The following CEP295 variants were observed in gnomAD, a reference collection of about 807,000 sequenced individuals.
CEP295 encodes the protein centrosomal protein of 295 kDa.
Under a neutral mutation model 291.6 loss-of-function variants are expected in CEP295, and 190 were observed. The observed-to-expected ratio is 0.65, with a 90% CI of 0.58 to 0.73. The LOEUF (loss-of-function observed/expected upper bound fraction) is 0.73. CEP295 is among the 30% of genes least tolerant of loss of function. CEP295 has a pLI of 0.00. For missense variants in CEP295, 2,863 were observed against 2,949.4 expected (o/e 0.97, Z 0.68); for synonymous variants, 993 against 1,038.8 (o/e 0.96, Z 0.85).
intron 5 of CEP295, 133 bp from the exon 6 acceptor site, chr11:93,675,438 A>G (rs988099824): frequency 3.1e-5 from 15 of 476,516 alleles, no homozygotes; most frequent in Non-Finnish European, 5.6e-5. Flanking sequence ...ATTTGATTTC[A>G]TTATGAGCAG....
chr11:93,723,902 T>A (rs1465947241), intron 21 of CEP295: 1 of 161,978 alleles, frequency 6.2e-6, no homozygotes, highest in Non-Finnish European at 1.3e-5. Context: ...GCAGGAGGAT[T>A]GCTTGAGCCC....
chr11:93,724,350 C>T lies in CEP295; in HGVS notation c.6293C>T (p.Ser2098Phe). The T allele has an allele frequency of 6.5e-7, 1 of 1,550,080 alleles. No individual in the cohort carries two copies. The highest frequency in any genetic ancestry group is 1.4e-5 in the African/African-American group (1 of 73,162). The change falls in exon 22 of 30, where the codon TCT becomes TTT. Residue 2098 changes from serine (S) to phenylalanine (F), a missense_variant. Around this residue, in one of 3 missense-constraint regions of CEP295, gnomAD observed 2,295 missense variants for 2,335.7 expected, o/e 0.98. Transcript: ENST00000325212. ...TTATCATCATCATCCTCTGGGATTTCTCCAGACAACAGAGACTTTTACCAG... is the reference window on the plus strand; with the variant it reads ...TTATCATCATCATCCTCTGGGATTTTTCCAGACAACAGAGACTTTTACCAG... ...FDLSSSSSGISPDNRDFYQRS... is the reference protein window; with the variant it reads ...FDLSSSSSGIFPDNRDFYQRS...
At chr11:93,696,594 G>C (rs778694662) in intron 14 of CEP295, 88 bp from the exon 15 acceptor site, 25 of 1,254,334 alleles carry the variant, frequency 2.0e-5, no homozygotes, top group Admixed American at 2.8e-5. Flanking sequence ...GCCAACCCTA[G>C]ATTGCTGTTT....
chr11:93,674,143 A>C (rs1460110202), intron 5 of CEP295, among the ~76,000 whole-genome samples: 11 of 151,726 alleles, frequency 7.2e-5, no homozygotes, highest in Admixed American at 7.2e-4. Context: ...TTGTATTTTT[A>C]GTAGAAATGG....
At chr11:93,667,190 A>C (rs563123206) in intron 2 of CEP295, among the ~76,000 whole-genome samples, 3 of 152,194 alleles carry the variant, frequency 2.0e-5, no homozygotes, top group Non-Finnish European at 4.4e-5. Context: ...AGTGTTTTTA[A>C]AGTAAGTTTT....
intron 18 of CEP295, among the ~76,000 whole-genome samples, chr11:93,716,697 GATACAGAGGC>G (rs1172714639): frequency 6.6e-6 from 1 of 152,242 alleles, no homozygotes; most frequent in East Asian, 1.9e-4. Flanking sequence ...TGAAAGCAGG[GATACAGAGGC>G]AGGACAAAGA....
rs112931996 is a variant in CEP295, at chr11:93,684,295, G to A, written c.1114+167G>A. Among the ~76,000 whole-genome samples the A allele has an allele frequency of 2.9e-3, 436 of 152,244 alleles. 4 individuals are homozygous for A. The highest frequency in any genetic ancestry group is 9.9e-3 in the African/African-American group (413 of 41,538). On this transcript the variant is annotated intron_variant, in intron 9 of 29. Transcript: ENST00000325212. ...ACGTTTTTATATTTCCATCATTGAC[G>A]ATCCTTTTTCATATGTGTAGGAGGA... is the stretch of plus-strand genomic sequence containing the variant.
chr11:93,699,357 T>C lies in CEP295; in HGVS notation c.4445T>C (p.Leu1482Ser). 1 of 1,552,038 alleles carries C rather than the reference T, an allele frequency of 6.4e-7. No individual in the cohort carries two copies. The highest frequency in any genetic ancestry group is 8.7e-7 in the Non-Finnish European group (1 of 1,147,070). ...SIEKTQKELV[L>S]SKPCKFEEKV... ...GAGAAAACCCAGAAAGAATTGGTTT[T>C]GTCAAAACCATGTAAATTTGAGGAA... The change falls in exon 15 of 30, where the codon TTG becomes TCG. Residue 1482 changes from leucine to serine, a missense_variant. Physicochemically the swap from Leu to Ser is moderately radical, Grantham distance 145. Around this residue, in one of 3 missense-constraint regions of CEP295, gnomAD observed 2,295 missense variants for 2,335.7 expected, o/e 0.98. Coordinates refer to ENST00000325212, the MANE Select transcript of CEP295 (RefSeq NM_033395.2).
chr11:93,674,897 G>T (rs887235185), intron 5 of CEP295, among the ~76,000 whole-genome samples: 1 of 152,164 alleles, frequency 6.6e-6, no homozygotes, highest in Non-Finnish European at 1.5e-5. Flanking sequence ...ACAGTGCCTT[G>T]TGTAATGTTT....
chr11:93,709,807 C>A (rs1330143781), intron 18 of CEP295, among the ~76,000 whole-genome samples: 1 of 151,926 alleles, frequency 6.6e-6, no homozygotes, highest in Admixed American at 6.6e-5. Flanking sequence ...TTTGTGTGTC[C>A]TCTTTAATTT....
chr11:93,721,817 T>C, intron 19 of CEP295, 137 bp from the exon 20 acceptor site: 1 of 733,720 alleles, frequency 1.4e-6, no homozygotes. Context: ...GAAAAGGTTT[T>C]ACTACTGATC....
intron 10 of CEP295, among the ~76,000 whole-genome samples, chr11:93,688,518 C>G (rs1951357929): frequency 6.6e-6 from 1 of 152,092 alleles, no homozygotes; most frequent in Non-Finnish European, 1.5e-5. Context: ...TATCCTGAGT[C>G]CCACAGGAAG....
Position 93,668,822 on chromosome 11 carries a change from T to A in CEP295, c.324T>A (p.Asp108Glu). 1 of 1,523,254 alleles carries A rather than the reference T, an allele frequency of 6.6e-7. No homozygotes were observed. The highest frequency in any genetic ancestry group is 8.8e-7 in the Non-Finnish European group (1 of 1,136,294). The allele number at this position is 1,523,254 out of a possible 1,614,324, so 94.4% of individuals were successfully genotyped here. A position where few individuals can be genotyped will look rare whatever the true frequency, so the allele number is the denominator to read the frequency against. ...RQAKENEPDL[D>E]ALAQRAAERK... Reference sequence around the variant, plus strand: ...TATATTTTTAGGAACCTGATTTGGATGCTTTGGCACAGCGGGCAGCAGAAA... The same window carrying A: ...TATATTTTTAGGAACCTGATTTGGAAGCTTTGGCACAGCGGGCAGCAGAAA... Residue 108 changes from aspartate (D) to glutamate (E), a missense_variant, in exon 4 of 30, where the codon GAT becomes GAA. Physicochemically the swap from Asp to Glu is conservative, Grantham distance 45. Transcript: ENST00000325212.
chr11:93,703,945 A>G (rs1370144400), intron 17 of CEP295, among the ~76,000 whole-genome samples: 1 of 151,580 alleles, frequency 6.6e-6, no homozygotes, highest in African/African-American at 2.4e-5. Context: ...ATTTTTTTAT[A>G]TTTTTAGTAG....
chr11:93,687,843 G>A lies in CEP295; in HGVS notation c.1314G>A (p.Thr438=), dbSNP rs1264026643. ...ESGTIASKER[T]LSSGQEQVVE... ...GAACAATTGCCAGCAAAGAGAGAAC[G>A]TTATCCTCTGGGCAGGAACAAGGTA... The change falls in exon 10 of 30, where the codon ACG becomes ACA. Residue 438 remains threonine, a synonymous_variant. Coordinates refer to ENST00000325212, the MANE Select transcript of CEP295 (RefSeq NM_033395.2). The A allele has an allele frequency of 1.5e-5, 23 of 1,550,460 alleles. No homozygotes were observed. Among genetic ancestry groups the A allele is most frequent in the South Asian group, 3.6e-5 (3 of 83,930 alleles).
intron 20 of CEP295, chr11:93,722,377 G>C (rs1279776215): frequency 4.3e-6 from 1 of 234,050 alleles, no homozygotes. Flanking sequence ...TGAGGGGATC[G>C]CTTGAGCCTG....
At position 93,697,636 on chromosome 11, in the gene CEP295, G is replaced by A; in HGVS notation, c.2724G>A (p.Gly908=). The A allele has an allele frequency of 6.4e-7, 1 of 1,551,824 alleles. No individual in the cohort carries two copies. The highest frequency in any genetic ancestry group is 8.7e-7 in the Non-Finnish European group (1 of 1,147,014). ...TGCCTTCTGCCAAAGCAGATTTGGG[G>A]AGAATCCAGGAATCTTCACCAACCA... ...ALLPSAKADL[G]RIQESSPTKN... The change falls in exon 15 of 30, where the codon GGG becomes GGA. Residue 908 remains glycine (G), a synonymous_variant. Coordinates refer to ENST00000325212, the MANE Select transcript of CEP295 (RefSeq NM_033395.2).
chr11:93,725,200 T>A (rs988639603), intron 22 of CEP295, among the ~76,000 whole-genome samples: 1 of 151,786 alleles, frequency 6.6e-6, no homozygotes, highest in Non-Finnish European at 1.5e-5. Flanking sequence ...TGAGCCGAGA[T>A]CGTGCCACTG....
At chr11:93,682,304 A>G (rs1009676048) in intron 7 of CEP295, among the ~76,000 whole-genome samples, 1 of 151,812 alleles carries the variant, frequency 6.6e-6, no homozygotes, top group African/African-American at 2.4e-5. Flanking sequence ...GCTCACTGCA[A>G]CCTCTGCCTC....
Sources: allele counts gnomAD v4.1 joint callset (sites outside exome capture counted in the v4.1 genomes callset), GRCh38; gene constraint gnomAD v4.1.1; regional missense constraint gnomAD v4.1.1; transcripts MANE v1.5; gene names NCBI Gene and HGNC (gene_info 2026-07-23, HGNC 2026-07-21).